The following EFCAB8 variants were observed in gnomAD, a reference collection of about 807,000 sequenced individuals.
EFCAB8 encodes the protein EF-hand calcium binding domain 8.
Under a neutral mutation model 116.3 loss-of-function variants are expected in EFCAB8, and 100 were observed. The ratio of observed to expected loss-of-function variants is 0.86; its 90% confidence interval spans 0.73 to 1.02. The LOEUF (loss-of-function observed/expected upper bound fraction) is 1.02, where lower values mean the gene tolerates loss of function less well. Ranked by LOEUF, EFCAB8 falls within the 50% of genes least tolerant of loss-of-function variation. The probability of loss-of-function intolerance (pLI) is 0.00; values close to 1 mark genes in which losing one functional copy is unlikely to be tolerated. For synonymous variants in EFCAB8, 558 were observed against 567.9 expected (o/e 0.98, Z 0.25); for missense variants, 1,320 against 1,416.9 (o/e 0.93, Z 1.10).
intron 14 of EFCAB8, among the ~76,000 whole-genome samples, chr20:32,909,556 T>C (rs1443020690): frequency 6.6e-6 from 1 of 151,724 alleles, no homozygotes. Context: ...TCAGAAGTTA[T>C]AAGGTGAAAG....
intron 22 of EFCAB8, among the ~76,000 whole-genome samples, chr20:32,942,716 T>A (rs759251811): frequency 5.3e-5 from 8 of 152,202 alleles, no homozygotes; most frequent in Non-Finnish European, 1.2e-4. Flanking sequence ...TATCACTTTC[T>A]TAGAGAAAAG....
At chr20:32,891,754 G>A (rs1985924371) in intron 7 of EFCAB8, among the ~76,000 whole-genome samples, 1 of 152,206 alleles carries the variant, frequency 6.6e-6, no homozygotes, top group East Asian at 1.9e-4. Flanking sequence ...GTTCAGATGC[G>A]GGAGACAACA....
chr20:32,867,818 G>A, intron 3 of EFCAB8, 71 bp downstream of exon 3: 1 of 1,481,132 alleles, frequency 6.8e-7, no homozygotes, highest in Non-Finnish European at 9.0e-7. Flanking sequence ...CCTGGGGTGT[G>A]TGGAGGGTTC....
In EFCAB8 at chr20:32,909,913, C is replaced by G; in HGVS notation, c.1539C>G (p.Tyr513Ter). Reference protein sequence around the residue: ...THCSPLCAVLYSKIFKQVVSG... With the variant: ...THCSPLCAVL Reference sequence around the variant, plus strand: ...GCTCACCCCTGTGTGCTGTCCTCTACAGCAAGATCTTTAAGCAGGTGAGTG... The same window carrying G: ...GCTCACCCCTGTGTGCTGTCCTCTAGAGCAAGATCTTTAAGCAGGTGAGTG... The change falls in exon 15 of 27, where the codon TAC becomes TAG. Residue 513 changes from tyrosine to a stop codon, truncating the protein, a stop_gained. Transcript: ENST00000400522. LOFTEE classifies it high-confidence loss of function. 1.6e-6 allele frequency: 2 copies of G among 1,249,810 alleles called. No individual in the cohort carries two copies. Among genetic ancestry groups the G allele is most frequent in the Non-Finnish European group, 2.0e-6 (2 of 988,230 alleles). 77.4% of individuals were successfully genotyped at this position (1,249,810 alleles called of 1,614,324 possible).
chr20:32,950,307 A>G (rs962557947), intron 23 of EFCAB8, among the ~76,000 whole-genome samples: 1 of 152,224 alleles, frequency 6.6e-6, no homozygotes, highest in Non-Finnish European at 1.5e-5. Flanking sequence ...TATTTAGAAT[A>G]TATAAACTCT....
At chr20:32,939,989 C>G (rs987705515) in intron 22 of EFCAB8, among the ~76,000 whole-genome samples, 3 of 94,938 alleles carry the variant, frequency 3.2e-5, no homozygotes, top group African/African-American at 1.1e-4. Context: ...GCCACTGTGC[C>G]TGCCTGCCTG....
intron 22 of EFCAB8, among the ~76,000 whole-genome samples, chr20:32,937,998 T>A (rs1988187951): frequency 6.7e-6 from 1 of 149,840 alleles, no homozygotes; most frequent in Non-Finnish European, 1.5e-5. Flanking sequence ...CAAAACCAGA[T>A]AAAGATATCA....
intron 23 of EFCAB8, among the ~76,000 whole-genome samples, chr20:32,949,875 C>T (rs1389009720): frequency 3.9e-5 from 6 of 152,214 alleles, no homozygotes; most frequent in South Asian, 4.1e-4. Flanking sequence ...CGGTGCCTGC[C>T]TGCAATCCCA....
chr20:32,933,292 G>A (rs1167223118), intron 22 of EFCAB8, among the ~76,000 whole-genome samples: 1 of 152,066 alleles, frequency 6.6e-6, no homozygotes, highest in East Asian at 1.9e-4. Context: ...TATGTAACTG[G>A]AATTTCCTAT....
intron 6 of EFCAB8, among the ~76,000 whole-genome samples, chr20:32,888,959 G>C (rs1044762075): frequency 1.3e-5 from 2 of 151,120 alleles, no homozygotes; most frequent in African/African-American, 4.9e-5. Context: ...GGTTTTTTTT[G>C]TGGGGGGCGG....
At chr20:32,933,043 G>T (rs1987968591) in intron 22 of EFCAB8, among the ~76,000 whole-genome samples, 1 of 152,118 alleles carries the variant, frequency 6.6e-6, no homozygotes, top group Admixed American at 6.5e-5. Flanking sequence ...AATGTTCCAG[G>T]GATGGTGATA....
At chr20:32,911,031 C>T (rs532904604) in intron 15 of EFCAB8, among the ~76,000 whole-genome samples, 1 of 152,250 alleles carries the variant, frequency 6.6e-6, no homozygotes, top group African/African-American at 2.4e-5. Context: ...AGCCACTGTG[C>T]CCAGCCTTAC....
intron 22 of EFCAB8, among the ~76,000 whole-genome samples, chr20:32,939,125 C>CTTTCTT (rs1555868878): frequency 3.5e-5 from 2 of 56,520 alleles, no homozygotes; most frequent in African/African-American, 6.7e-5. Context: ...CTCTTTCTTT[C>CTTTCTT]TCTTTCTTTC....
Position 32,911,841 on chromosome 20 carries a change from A to G in EFCAB8, c.1785+134A>G, listed in dbSNP as rs938179538. On this transcript the variant is annotated intron_variant, in intron 16 of 26. Coordinates refer to ENST00000400522, the MANE Select transcript of EFCAB8 (RefSeq NM_001143967.2). ...ATCATAGTCAGGTGGCCTGGCTTCA[A>G]ACCTCCCTGAGCCTCTGTGTCCTCA... 6.0e-6 allele frequency: 5 copies of G among 831,884 alleles called. No homozygotes were observed. In the African/African-American group the frequency reaches 6.7e-5, roughly 11 times the overall value. 51.5% of individuals were successfully genotyped at this position (831,884 alleles called of 1,614,324 possible).
At chr20:32,954,386 A>G (rs923824164) in intron 23 of EFCAB8, among the ~76,000 whole-genome samples, 1 of 152,196 alleles carries the variant, frequency 6.6e-6, no homozygotes, top group Admixed American at 6.5e-5. Context: ...TGTAGAGACT[A>G]TCTTTCCCAA....
At chr20:32,866,549 TGA>T (rs1984411090) in intron 2 of EFCAB8, among the ~76,000 whole-genome samples, 1 of 150,690 alleles carries the variant, frequency 6.6e-6, no homozygotes, top group Non-Finnish European at 1.5e-5. Flanking sequence ...TTGGGAAGGA[TGA>T]GTAGAAGGGG....
intron 3 of EFCAB8, 142 bp from the exon 4 acceptor site, chr20:32,875,784 C>T: frequency 4.5e-6 from 3 of 660,250 alleles, no homozygotes; most frequent in South Asian, 1.9e-5. Flanking sequence ...GCTGGAATTA[C>T]AAGCATGAGC....
chr20:32,953,807 T>TTTTG lies in EFCAB8; in HGVS notation c.2960-4598_2960-4595dup, dbSNP rs745634578. ...CATTGGGTTGATTGTTGATTGTGGT[T>TTTTG]TTTGTTTGTTTGTTTGTTTTGAAAT... On this transcript the variant is annotated intron_variant, in intron 23 of 26. Coordinates refer to ENST00000400522, the MANE Select transcript of EFCAB8 (RefSeq NM_001143967.2). Among the ~76,000 whole-genome samples the TTTTG allele has an allele frequency of 1.2e-3, 183 of 152,212 alleles. 1 individual carries two copies. The highest frequency in any genetic ancestry group is 1.5e-3 in the Non-Finnish European group (105 of 68,008).
chr20:32,872,957 T>G (rs1398700027), intron 3 of EFCAB8, among the ~76,000 whole-genome samples: 1 of 151,242 alleles, frequency 6.6e-6, no homozygotes, highest in African/African-American at 2.4e-5. Flanking sequence ...CCGAGTGTGA[T>G]GGTGGGCGCC....
Sources: gnomAD v4.1 joint callset for allele counts (sites outside exome capture counted in the v4.1 genomes callset) on GRCh38, gnomAD v4.1.1 for gene constraint, MANE v1.5 for transcripts, NCBI Gene and HGNC (gene_info 2026-07-23, HGNC 2026-07-21) for gene names.